The following TEAD1 variants were observed in gnomAD, a reference collection of about 807,000 sequenced individuals.
The protein encoded by TEAD1 is transcriptional enhancer factor TEF-1.
TEAD1 carries 9 observed loss-of-function variants against 54.9 expected under a neutral mutation model. The ratio of observed to expected loss-of-function variants is 0.16; its 90% CI spans 0.10 to 0.29. The LOEUF is 0.29. Ranked by LOEUF, TEAD1 falls within the 10% of genes least tolerant of loss-of-function variation. TEAD1 has a pLI of 1.00. For synonymous variants in TEAD1, 200 were observed against 187.8 expected (o/e 1.07, Z -0.53); for missense variants, 387 against 535.9 (o/e 0.72, Z 2.74).
intron 3 of TEAD1, among the ~76,000 whole-genome samples, chr11:12,861,710 G>T (rs1464731699): frequency 6.6e-6 from 1 of 152,182 alleles, no homozygotes; most frequent in Non-Finnish European, 1.5e-5. Flanking sequence ...ATTTCAGCTG[G>T]GTGCGGTGGC....
At chr11:12,786,892 C>T (rs1945688093) in intron 3 of TEAD1, among the ~76,000 whole-genome samples, 1 of 152,190 alleles carries the variant, frequency 6.6e-6, no homozygotes, top group Non-Finnish European at 1.5e-5. Context: ...GCCAGACAGA[C>T]ATTTGCAGAA....
intron 12 of TEAD1, among the ~76,000 whole-genome samples, chr11:12,931,868 C>A (rs1362498881): frequency 6.6e-6 from 1 of 152,158 alleles, no homozygotes; most frequent in Non-Finnish European, 1.5e-5. Context: ...CTAGGCCCCA[C>A]CCTGGATGAA....
chr11:12,753,835 T>A (rs1944928779), intron 2 of TEAD1, among the ~76,000 whole-genome samples: 1 of 152,244 alleles, frequency 6.6e-6, no homozygotes. Context: ...GTAGGTAATC[T>A]GCTAAGAATC....
intron 9 of TEAD1, among the ~76,000 whole-genome samples, chr11:12,886,664 A>ATT (rs570808378): frequency 4.9e-5 from 7 of 142,166 alleles, no homozygotes; most frequent in Non-Finnish European, 4.6e-5. Context: ...GTCACAACTG[A>ATT]TTTTTTTTTT....
chr11:12,757,733 A>G (rs1013226696), intron 2 of TEAD1, among the ~76,000 whole-genome samples: 3 of 152,206 alleles, frequency 2.0e-5, no homozygotes, highest in Non-Finnish European at 4.4e-5. Context: ...GTTGTTATCA[A>G]AGAATATTTG....
intron 9 of TEAD1, among the ~76,000 whole-genome samples, chr11:12,898,078 C>T (rs1948346916): frequency 6.6e-6 from 1 of 152,148 alleles, no homozygotes; most frequent in Admixed American, 6.5e-5. Flanking sequence ...CAAAGATTAC[C>T]TGAGATCACA....
At chr11:12,689,025 G>A (rs1227178855) in intron 2 of TEAD1, among the ~76,000 whole-genome samples, 1 of 146,972 alleles carries the variant, frequency 6.8e-6, no homozygotes, top group Non-Finnish European at 1.5e-5. Flanking sequence ...TTTTTTTTTT[G>A]TTGTTGTTTA....
At chr11:12,920,605 TG>T (rs936387048) in intron 10 of TEAD1, among the ~76,000 whole-genome samples, 7 of 152,184 alleles carry the variant, frequency 4.6e-5, no homozygotes, top group Admixed American at 2.0e-4. Context: ...CCTGAGTAAT[TG>T]GGACTACAGG....
rs1289730301 is a variant in TEAD1 at position 12,893,171 on chromosome 11, G to A, written c.700-8769G>A. On this transcript the variant is annotated intron_variant, in intron 9 of 12. Transcript: ENST00000527636. ...TCGGAAAGTACATTTGGCCTTCCAG[G>A]TTTGGGGAGGAAGGCTGCAGCTGAT... Among the ~76,000 whole-genome samples, 3 of 152,214 alleles carry A rather than the reference G, an allele frequency of 2.0e-5. No individual in the cohort carries two copies. The South Asian group carries it at 6.2e-4, about 32-fold the overall frequency.
At chr11:12,766,081 A>C (rs1051786516) in intron 3 of TEAD1, among the ~76,000 whole-genome samples, 2 of 152,206 alleles carry the variant, frequency 1.3e-5, no homozygotes, top group South Asian at 4.1e-4. Flanking sequence ...TTGCTTACCC[A>C]AAAATGGTTT....
chr11:12,757,185 T>C (rs1945000247), intron 2 of TEAD1, among the ~76,000 whole-genome samples: 1 of 152,328 alleles, frequency 6.6e-6, no homozygotes, highest in East Asian at 1.9e-4. Context: ...CCGTTGCCAC[T>C]GTCTGTATGC....
At chr11:12,921,645 G>A (rs771231276) in intron 10 of TEAD1, among the ~76,000 whole-genome samples, 9 of 152,130 alleles carry the variant, frequency 5.9e-5, no homozygotes, top group Non-Finnish European at 1.2e-4. Flanking sequence ...TCACAGCGAA[G>A]TATTCTAAGG....
chr11:12,701,991 C>T (rs1943713172), intron 2 of TEAD1, among the ~76,000 whole-genome samples: 1 of 152,204 alleles, frequency 6.6e-6, no homozygotes, highest in Non-Finnish European at 1.5e-5. Flanking sequence ...ACAGCACTCG[C>T]AGGCTGCTTG....
chr11:12,775,789 A>AT (rs1301261169), intron 3 of TEAD1, among the ~76,000 whole-genome samples: 1 of 152,154 alleles, frequency 6.6e-6, no homozygotes, highest in Non-Finnish European at 1.5e-5. Flanking sequence ...TATTAATGGG[A>AT]TTTTTTCAAT....
intron 2 of TEAD1, among the ~76,000 whole-genome samples, chr11:12,723,824 G>A (rs1401861379): frequency 1.3e-5 from 2 of 152,144 alleles, no homozygotes; most frequent in Non-Finnish European, 2.9e-5. Flanking sequence ...CGTCTCCCAC[G>A]AAATCTTAGA....
At chr11:12,891,195 G>T (rs914166923) in intron 9 of TEAD1, among the ~76,000 whole-genome samples, 2 of 152,186 alleles carry the variant, frequency 1.3e-5, no homozygotes, top group Non-Finnish European at 2.9e-5. Flanking sequence ...CCTTAAGTAG[G>T]TAGCCACTGC....
rs557829692 is a variant in TEAD1, at chr11:12,709,242, G to A, written c.-55+33681G>A. 4.6e-5 allele frequency among the ~76,000 whole-genome samples: 7 copies of A among 152,162 alleles called. No individual in the cohort carries two copies. In the South Asian group the frequency reaches 1.5e-3, roughly 32 times the overall value. ...GGTCCTAACTACTTGGGAGGCTGAG[G>A]TGGGAGAATTGCTTGAACCCAGGAG... On this transcript the variant is annotated intron_variant, in intron 2 of 12. Transcript: ENST00000527636.
At chr11:12,849,735 T>C (rs1947229813) in intron 3 of TEAD1, among the ~76,000 whole-genome samples, 1 of 152,218 alleles carries the variant, frequency 6.6e-6, no homozygotes, top group Admixed American at 6.5e-5. Flanking sequence ...ATTCATAGAC[T>C]TAATTATACA....
intron 10 of TEAD1, among the ~76,000 whole-genome samples, chr11:12,903,463 C>T (rs908943643): frequency 3.9e-5 from 6 of 152,194 alleles, no homozygotes; most frequent in Admixed American, 6.5e-5. Context: ...TAGTTTGTTT[C>T]GTTTCTTTTA....
Sources: gnomAD v4.1 joint callset for allele counts (sites outside exome capture counted in the v4.1 genomes callset) on GRCh38, gnomAD v4.1.1 for gene constraint, MANE v1.5 for transcripts, NCBI Gene and HGNC (gene_info 2026-07-23, HGNC 2026-07-21) for gene names.